HCRTR2: variants seen among roughly 807,000 people sequenced by gnomAD.
HCRTR2 encodes orexin receptor type 2.
Under a neutral mutation model 49.0 loss-of-function variants are expected in HCRTR2, and 22 were observed. The ratio of observed to expected loss-of-function variants is 0.45; its 90% CI spans 0.32 to 0.64. The LOEUF (loss-of-function observed/expected upper bound fraction) is 0.64, where lower values mean the gene tolerates loss of function less well. Ranked by LOEUF, HCRTR2 falls within the 30% of genes least tolerant of loss-of-function variation. The probability of loss-of-function intolerance (pLI) is 0.04; values close to 1 mark genes in which losing one functional copy is unlikely to be tolerated. For missense variants in HCRTR2, 491 were observed against 559.4 expected (o/e 0.88, Z 1.23); for synonymous variants, 236 against 205.3 (o/e 1.15, Z -1.28).
rs964250824 is a variant in HCRTR2, at chr6:55,261,085, T to C, written c.647-2622T>C. Among the ~76,000 whole-genome samples, 3 of 152,238 alleles carry C rather than the reference T, an allele frequency of 2.0e-5. No homozygotes were observed. In the South Asian group the frequency reaches 6.2e-4, roughly 31 times the overall value. On this transcript the variant is annotated intron_variant, in intron 3 of 6. Transcript: ENST00000370862. ...TTGTGTTAGCATTCAATTAGAATTATAATGAGTTAATTACATTTAATATCT... is the reference window on the plus strand; with the variant it reads ...TTGTGTTAGCATTCAATTAGAATTACAATGAGTTAATTACATTTAATATCT...
intron 1 of HCRTR2, among the ~76,000 whole-genome samples, chr6:55,183,134 T>C (rs1235925442): frequency 6.6e-6 from 1 of 152,210 alleles, no homozygotes; most frequent in African/African-American, 2.4e-5. Flanking sequence ...TTTTGAAAGA[T>C]AGACACATAA....
chr6:55,184,819 T>C (rs1765190915), intron 1 of HCRTR2, among the ~76,000 whole-genome samples: 1 of 152,192 alleles, frequency 6.6e-6, no homozygotes, highest in African/African-American at 2.4e-5. Flanking sequence ...AAAATGAATT[T>C]ATAAGGCCCA....
rs370721713 is a variant in HCRTR2 at position 55,174,936 on chromosome 6, G to C, written c.223+126G>C. ...CAAAGAGGTCGCTGCTCTCGGATGG[G>C]GTTTTCTAATAAAATAATAATAATA... On this transcript the variant is annotated intron_variant, in intron 1 of 6. Coordinates refer to ENST00000370862, the MANE Select transcript of HCRTR2 (RefSeq NM_001384272.1). 1.6e-3 allele frequency: 1,113 copies of C among 690,022 alleles called. 17 individuals carry two copies. In the South Asian group the frequency reaches 0.017, roughly 10 times the overall value. The allele number at this position is 690,022 out of a possible 1,614,324, so 42.7% of individuals were successfully genotyped here.
intron 2 of HCRTR2, among the ~76,000 whole-genome samples, chr6:55,253,884 G>A (rs71562803): frequency 1.3e-5 from 2 of 152,124 alleles, no homozygotes; most frequent in African/African-American, 4.8e-5. Context: ...TCAGAGGGTA[G>A]AGGGTGGGAG....
chr6:55,204,786 C>A (rs1007213602), intron 1 of HCRTR2, among the ~76,000 whole-genome samples: 3 of 151,796 alleles, frequency 2.0e-5, no homozygotes, highest in Non-Finnish European at 2.9e-5. Context: ...CCCCTCCCCT[C>A]CCCTCCCCTT....
upstream of HCRTR2, among the ~76,000 whole-genome samples, chr6:55,171,199 C>T (rs1050044361): frequency 1.3e-5 from 2 of 152,186 alleles, no homozygotes; most frequent in African/African-American, 4.8e-5. Flanking sequence ...CTCCCACCAA[C>T]AGTGCAAAAG....
chr6:55,114,363 A>G (rs542742008), intron 1 of HCRTR2, among the ~76,000 whole-genome samples: 10 of 151,924 alleles, frequency 6.6e-5, no homozygotes, highest in African/African-American at 2.4e-4. Flanking sequence ...ACAACTACCT[A>G]TGTGAGCTAC....
chr6:55,232,584 C>A (rs958650919), intron 1 of HCRTR2, among the ~76,000 whole-genome samples: 1 of 152,160 alleles, frequency 6.6e-6, no homozygotes, highest in African/African-American at 2.4e-5. Flanking sequence ...ATTAACTTTT[C>A]AGCAAAAATT....
At chr6:55,248,518 G>A (rs995742872) in intron 1 of HCRTR2, 121 bp from the exon 2 acceptor site, 2 of 807,788 alleles carry the variant, frequency 2.5e-6, no homozygotes, top group Non-Finnish European at 2.1e-6. Flanking sequence ...ACACGGCACA[G>A]CCTTCAATTA....
chr6:55,253,499 G>T lies in HCRTR2; in HGVS notation c.403-1637G>T, dbSNP rs1239751923. On this transcript the variant is annotated intron_variant, in intron 2 of 6. Transcript: ENST00000370862. ...ACAGAAAAATAGAAGAAGATGACTG[G>T]ACTATATCTACTGCCTTCAATTAAG... 2.0e-5 allele frequency among the ~76,000 whole-genome samples: 3 copies of T among 152,022 alleles called. No individual in the cohort carries two copies. In the East Asian group the frequency reaches 5.8e-4, roughly 29 times the overall value.
intron 2 of HCRTR2, among the ~76,000 whole-genome samples, chr6:55,254,712 G>A (rs1041565798): frequency 6.7e-6 from 1 of 149,872 alleles, no homozygotes; most frequent in African/African-American, 2.4e-5. Flanking sequence ...TTAGAAGAAA[G>A]ACATATTATT....
chr6:55,266,502 A>T (rs1470928109), intron 4 of HCRTR2, among the ~76,000 whole-genome samples: 2 of 152,172 alleles, frequency 1.3e-5, no homozygotes, highest in African/African-American at 4.8e-5. Context: ...GAAGGGGAAA[A>T]AGCAATTAAT....
intron 1 of HCRTR2, among the ~76,000 whole-genome samples, chr6:55,115,168 C>A (rs1418384292): frequency 6.6e-6 from 1 of 151,762 alleles, no homozygotes. Flanking sequence ...ATCATTCAAA[C>A]ATTTCTATCT....
At chr6:55,276,849 A>C (rs1767085600) in intron 4 of HCRTR2, among the ~76,000 whole-genome samples, 1 of 152,228 alleles carries the variant, frequency 6.6e-6, no homozygotes, top group Non-Finnish European at 1.5e-5. Context: ...TTTTAAAAAT[A>C]TCCTTTCATT....
chr6:55,251,561 G>GA (rs1197432684), intron 2 of HCRTR2, among the ~76,000 whole-genome samples: 1 of 151,618 alleles, frequency 6.6e-6, no homozygotes, highest in East Asian at 1.9e-4. Flanking sequence ...GAAAATGCCA[G>GA]AAAAAAAAGA....
At chr6:55,116,153 C>G (rs1764113190) in intron 1 of HCRTR2, among the ~76,000 whole-genome samples, 1 of 151,420 alleles carries the variant, frequency 6.6e-6, no homozygotes, top group African/African-American at 2.4e-5. Flanking sequence ...ATATGTAAAG[C>G]TTGAGAAGTT....
intron 1 of HCRTR2, among the ~76,000 whole-genome samples, chr6:55,129,085 C>T (rs750878287): frequency 1.5e-4 from 23 of 151,994 alleles, no homozygotes; most frequent in Non-Finnish European, 3.2e-4. Context: ...ATCTTAAAAC[C>T]CAAGTTCCCT....
chr6:55,232,913 C>A (rs1477736814), intron 1 of HCRTR2, among the ~76,000 whole-genome samples: 2 of 152,024 alleles, frequency 1.3e-5, no homozygotes, highest in African/African-American at 2.4e-5. Flanking sequence ...TATTATCTGT[C>A]TTCAAAAAGA....
At chr6:55,200,287 C>T (rs907439737) in intron 1 of HCRTR2, among the ~76,000 whole-genome samples, 12 of 120,796 alleles carry the variant, frequency 9.9e-5, no homozygotes, top group South Asian at 2.8e-4. Flanking sequence ...GTTTTTGAAA[C>T]GGAGTCTTGC....
Sources: gnomAD v4.1 joint callset for allele counts (sites outside exome capture counted in the v4.1 genomes callset) on GRCh38, gnomAD v4.1.1 for gene constraint, MANE v1.5 for transcripts, NCBI Gene and HGNC (gene_info 2026-07-23, HGNC 2026-07-21) for gene names.